VWA5B1: variants seen among roughly 807,000 people sequenced by gnomAD.
The protein encoded by VWA5B1 is von Willebrand factor A domain-containing protein 5B1.
In VWA5B1, 115 loss-of-function variants were observed where a neutral mutation model predicts 118.2. The observed-to-expected ratio is 0.97, with a 90% confidence interval of 0.84 to 1.14. VWA5B1 has a LOEUF of 1.14. VWA5B1 is among the 50% of genes most tolerant of loss of function. The pLI, the probability that VWA5B1 is intolerant of heterozygous loss-of-function variation, is 0.00. For synonymous variants in VWA5B1, 682 were observed against 658.4 expected (o/e 1.04, Z -0.55); for missense variants, 1,596 against 1,603.8 (o/e 1.00, Z 0.08).
chr1:20,323,662 AC>A, intron 8 of VWA5B1, 130 bp downstream of exon 8: 1 of 993,202 alleles, frequency 1.0e-6, no homozygotes, highest in Non-Finnish European at 1.3e-6. Context: ...AAACAGAGAT[AC>A]CCAAACTCCA....
chr1:20,302,377 C>T (rs964281860), intron 1 of VWA5B1, among the ~76,000 whole-genome samples: 1 of 152,220 alleles, frequency 6.6e-6, no homozygotes, highest in Non-Finnish European at 1.5e-5. Flanking sequence ...CCCCATGACA[C>T]ATTTCATTCT....
rs144348064 is a variant in VWA5B1, at chr1:20,320,195, A to G, written c.966+689A>G. ...ATTAGCCCCCTTTTTAGATGAGAAAACTGAGATCTGGCACCCAAAGATCAC... is the reference window on the plus strand; with the variant it reads ...ATTAGCCCCCTTTTTAGATGAGAAAGCTGAGATCTGGCACCCAAAGATCAC... On this transcript the variant is annotated intron_variant, in intron 7 of 21. Transcript: ENST00000289815. Among the ~76,000 whole-genome samples the G allele has an allele frequency of 1.8e-3, 279 of 152,322 alleles. 2 individuals are homozygous for G. The highest frequency in any genetic ancestry group is 6.2e-3 in the African/African-American group (258 of 41,580).
rs2088585601 is a variant in VWA5B1, at chr1:20,304,410, G to T, written c.-26-6166G>T. On this transcript the variant is annotated intron_variant, in intron 1 of 21. Coordinates refer to ENST00000289815, the MANE Select transcript of VWA5B1 (RefSeq NM_001039500.3). ...GAGAGGGTCAGTGTGTTTGGAGGAA[G>T]GCAAGCATGTAGAACGTGGAGGGCG... Among the ~76,000 whole-genome samples, 2 of 152,160 alleles carry T rather than the reference G, an allele frequency of 1.3e-5. 1 individual carries two copies. The highest frequency in any genetic ancestry group is 4.1e-4 in the South Asian group (2 of 4,824).
At chr1:20,321,776 C>T (rs1415096009) in intron 7 of VWA5B1, among the ~76,000 whole-genome samples, 1 of 152,012 alleles carries the variant, frequency 6.6e-6, no homozygotes, top group Non-Finnish European at 1.5e-5. Context: ...GATGGAAGAG[C>T]AGGAAGCAGA....
chr1:20,291,406 C>G (rs1160303887), intron 1 of VWA5B1, among the ~76,000 whole-genome samples: 2 of 138,738 alleles, frequency 1.4e-5, no homozygotes, highest in African/African-American at 5.7e-5. Flanking sequence ...CTCTATTTCT[C>G]TCCCTCCCCA....
At chr1:20,317,375 C>T (rs1308662282) in intron 4 of VWA5B1, among the ~76,000 whole-genome samples, 155 bp from the exon 5 acceptor site, 3 of 152,126 alleles carry the variant, frequency 2.0e-5, no homozygotes, top group Non-Finnish European at 4.4e-5. Context: ...AATCCAGGCT[C>T]TCCCTGGGGT....
At chr1:20,319,657 G>C (rs911468494) in intron 7 of VWA5B1, among the ~76,000 whole-genome samples, 151 bp downstream of exon 7, 5 of 152,188 alleles carry the variant, frequency 3.3e-5, no homozygotes, top group Non-Finnish European at 5.9e-5. Flanking sequence ...GTTTCCTTCT[G>C]TGGGCCCCCG....
chr1:20,340,379 C>T (rs1482987988), intron 14 of VWA5B1, among the ~76,000 whole-genome samples: 1 of 152,138 alleles, frequency 6.6e-6, no homozygotes, highest in Non-Finnish European at 1.5e-5. Flanking sequence ...TAGGGATCCC[C>T]TGGGACTTAG....
chr1:20,351,467 C>T (rs1387506635), intron 20 of VWA5B1, among the ~76,000 whole-genome samples: 1 of 152,128 alleles, frequency 6.6e-6, no homozygotes, highest in Non-Finnish European at 1.5e-5. Flanking sequence ...GCCTGACCAA[C>T]ATGGTGAAAC....
rs372609504 is a variant in VWA5B1 at position 20,336,403 on chromosome 1, G to A, written c.1859G>A (p.Cys620Tyr). 1.1e-4 allele frequency: 166 copies of A among 1,528,496 alleles called. No homozygotes were observed. In the Middle Eastern group the frequency reaches 2.4e-3, roughly 22 times the overall value. 94.7% of individuals were successfully genotyped at this position (1,528,496 alleles called of 1,614,324 possible). A position where few individuals can be genotyped will look rare whatever the true frequency, so the allele number is the denominator to read the frequency against. Residue 620 changes from cysteine (C) to tyrosine (Y), a missense_variant, in exon 13 of 22, where the codon TGT becomes TAT. Cys to Tyr is a radical substitution (Grantham distance 194, BLOSUM62 -2). Transcript: ENST00000289815. ...GGACCCGGGCTGGAAGGTGGAGACT[G>A]TGCCAAGAACTCGGGGGCACCCTTC... The part of the protein sequence containing the change: ...DDGPGLEGGD[C>Y]AKNSGAPFIL...
At chr1:20,291,936 G>T (rs1020926823) in intron 1 of VWA5B1, among the ~76,000 whole-genome samples, 1 of 152,126 alleles carries the variant, frequency 6.6e-6, no homozygotes, top group Non-Finnish European at 1.5e-5. Flanking sequence ...TGCTCCCGCC[G>T]CCGGCACCAC....
chr1:20,342,428 C>T lies in VWA5B1; in HGVS notation c.2134-4C>T, dbSNP rs1441437884. On this transcript the variant is annotated splice_polypyrimidine_tract_variant and splice_region_variant and intron_variant, in intron 14 of 21. Transcript: ENST00000289815. ...TCTTTCTCTTTCTCCTCTTCCATCC[C>T]TAGCCCTTGCTGAACAGTGGTCAGG... 3 of 1,550,488 alleles carry T rather than the reference C, an allele frequency of 1.9e-6. No individual in the cohort carries two copies. Among genetic ancestry groups the T allele is most frequent in the Non-Finnish European group, 2.6e-6 (3 of 1,146,752 alleles).
At chr1:20,310,444 G>T in intron 1 of VWA5B1, 132 bp from the exon 2 acceptor site, 1 of 887,654 alleles carries the variant, frequency 1.1e-6, no homozygotes, top group Non-Finnish European at 1.6e-6. Context: ...TCCTTCCCAG[G>T]AACTGGGAAG....
intron 9 of VWA5B1, 25 bp from the exon 10 acceptor site, chr1:20,330,155 C>T: frequency 6.4e-7 from 1 of 1,551,562 alleles, no homozygotes; most frequent in Non-Finnish European, 8.7e-7. Flanking sequence ...TACGGTGACA[C>T]TGGGGACTGT....
intron 1 of VWA5B1, among the ~76,000 whole-genome samples, chr1:20,301,513 A>T (rs2088503911): frequency 1.3e-5 from 2 of 152,184 alleles, no homozygotes; most frequent in Admixed American, 1.3e-4. Context: ...CTGTCATTTT[A>T]CCACTTCAAG....
chr1:20,306,324 G>A (rs2088653114), intron 1 of VWA5B1, among the ~76,000 whole-genome samples: 1 of 152,040 alleles, frequency 6.6e-6, no homozygotes, highest in African/African-American at 2.4e-5. Context: ...AAACCAGCGG[G>A]GGCTCAGATC....
chr1:20,355,246 C>G lies in VWA5B1; in HGVS notation c.*983C>G, dbSNP rs905715911. On this transcript the variant is annotated 3_prime_UTR_variant, in exon 22 of 22. Coordinates refer to ENST00000289815, the MANE Select transcript of VWA5B1 (RefSeq NM_001039500.3). ...GTGGGAGAGAGGCTTGGCTGCAGTG[C>G]CTTTGGGGATGGCAGCTCTGGCCAG... is the stretch of plus-strand genomic sequence containing the variant. 6.6e-6 allele frequency among the ~76,000 whole-genome samples: 1 copy of G among 152,160 alleles called. No individual in the cohort carries two copies. The highest frequency in any genetic ancestry group is 1.5e-5 in the Non-Finnish European group (1 of 68,032).
At chr1:20,340,455 C>A (rs947003416) in intron 14 of VWA5B1, among the ~76,000 whole-genome samples, 1 of 152,144 alleles carries the variant, frequency 6.6e-6, no homozygotes, top group African/African-American at 2.4e-5. Flanking sequence ...TTGTACCCTT[C>A]CTAGGACCTC....
Position 20,353,737 on chromosome 1 carries a change from A to G in VWA5B1, c.3142-20A>G. 6.9e-7 allele frequency: 1 copy of G among 1,449,508 alleles called. No homozygotes were observed. The highest frequency in any genetic ancestry group is 9.1e-7 in the Non-Finnish European group (1 of 1,098,178). The allele number at this position is 1,449,508 out of a possible 1,614,324, so 89.8% of individuals were successfully genotyped here. A position where few individuals can be genotyped will look rare whatever the true frequency, so the allele number is the denominator to read the frequency against. ...GGCTAAAACATTTGAGGCCCACTGA[A>G]GGGCTTCCCCCACACACAGGTGTCT... On this transcript the variant is annotated intron_variant, in intron 21 of 21. Coordinates refer to ENST00000289815, the MANE Select transcript of VWA5B1 (RefSeq NM_001039500.3).
Sources: allele counts gnomAD v4.1 joint callset (sites outside exome capture counted in the v4.1 genomes callset), GRCh38; gene constraint gnomAD v4.1.1; transcripts MANE v1.5; gene names NCBI Gene and HGNC (gene_info 2026-07-23, HGNC 2026-07-21).